Variants in RPS6KA6 observed in about 807,000 individuals in gnomAD.
RPS6KA6 encodes ribosomal protein S6 kinase A6.
In RPS6KA6, 27 loss-of-function variants were observed where a neutral mutation model predicts 65.4. That is an observed-to-expected ratio of 0.41 (90% CI 0.30 to 0.57). The LOEUF (loss-of-function observed/expected upper bound fraction) is 0.57. Among genes scored for constraint, RPS6KA6 ranks in the 20% least tolerant of loss-of-function variants. The probability of loss-of-function intolerance (pLI) is 0.24; values close to 1 mark genes in which losing one functional copy is unlikely to be tolerated. For synonymous variants in RPS6KA6, 190 were observed against 184.2 expected (o/e 1.03, Z -0.26); for missense variants, 486 against 555.6 (o/e 0.87, Z 1.26).
At chrX:84,129,435 G>C (rs2034855706) in intron 8 of RPS6KA6, among the ~76,000 whole-genome samples, 1 of 111,288 alleles carries the variant, frequency 9.0e-6, no homozygotes, top group Non-Finnish European at 1.9e-5. Context: ...GAACAGTTTG[G>C]AGGTTCCTCA....
In RPS6KA6 at chrX:84,156,172, T is replaced by A; in HGVS notation, c.161A>T (p.Glu54Val). ...CTTAACATGATGAGTAATAGGGATT[T>A]CTTTAACAACTCCTTCATCCTGTAA... Reference protein sequence around the residue: ...DSCHDEGVVKEIPITHHVKEG... With the variant: ...DSCHDEGVVKVIPITHHVKEG... Residue 54 changes from glutamate to valine, a missense_variant, in exon 3 of 22, where the codon GAA (glutamate) becomes GTA (valine). Transcript: ENST00000262752. 8.8e-7 allele frequency: 1 copy of A among 1,141,595 alleles called. No individual in the cohort carries two copies. Among genetic ancestry groups the A allele is most frequent in the Non-Finnish European group, 1.2e-6 (1 of 833,110 alleles). The allele number at this position is 1,141,595 out of a possible 1,213,427, so 94.1% of individuals were successfully genotyped here.
At chrX:84,115,091 A>G in intron 12 of RPS6KA6, among the ~76,000 whole-genome samples, 1 of 112,309 alleles carries the variant, frequency 8.9e-6, no homozygotes, top group Admixed American at 9.4e-5. Flanking sequence ...AATGCAACAA[A>G]AACAAAAGTA....
In RPS6KA6 at chrX:84,154,851, T is replaced by C. The variant is rs145669991; in HGVS notation, c.258+1224A>G. On this transcript the variant is annotated intron_variant, in intron 3 of 21. Transcript: ENST00000262752. ...TCTTTATATTTCACGTTATATTCTA[T>C]AATGCATAAATATCAGGTTACTTTA... Among the ~76,000 whole-genome samples, 180 of 112,054 alleles carry C rather than the reference T, an allele frequency of 1.6e-3. 2 individuals carry two copies. The highest frequency in any genetic ancestry group is 5.6e-3 in the African/African-American group (172 of 30,840).
At chrX:84,105,910 C>A in intron 15 of RPS6KA6, 34 bp from the exon 16 acceptor site, 1 of 802,921 alleles carries the variant, frequency 1.2e-6, no homozygotes, top group African/African-American at 2.0e-5. Context: ...ATATCTGAGG[C>A]AAACAAATTA....
intron 4 of RPS6KA6, 80 bp downstream of exon 4, chrX:84,147,962 C>T: frequency 3.6e-6 from 2 of 555,481 alleles, no homozygotes; most frequent in South Asian, 7.3e-5. Flanking sequence ...CATCTATTCA[C>T]CTTATGCAAG....
chrX:84,148,886 T>C (rs1177930314), intron 3 of RPS6KA6, among the ~76,000 whole-genome samples: 1 of 111,145 alleles, frequency 9.0e-6, no homozygotes, highest in Non-Finnish European at 1.9e-5. Flanking sequence ...ATGATGAAGT[T>C]TGTTGCACAG....
chrX:84,103,483 T>C (rs1397255986), intron 17 of RPS6KA6, among the ~76,000 whole-genome samples: 1 of 111,366 alleles, frequency 9.0e-6, no homozygotes. Context: ...TTTACTATGC[T>C]AAAGCTCTTT....
At chrX:84,093,538 C>T (rs2147394050) in intron 20 of RPS6KA6, among the ~76,000 whole-genome samples, 1 of 111,905 alleles carries the variant, frequency 8.9e-6, no homozygotes, top group South Asian at 3.7e-4. Context: ...ATATCTTATG[C>T]TATGAGAAGT....
At chrX:84,097,969 A>G in intron 18 of RPS6KA6, 121 bp from the exon 19 acceptor site, 1 of 498,749 alleles carries the variant, frequency 2.0e-6, no homozygotes, top group South Asian at 3.6e-5. Flanking sequence ...CAATCATTTT[A>G]TGCACTTGTA....
At chrX:84,100,010 T>C (rs1289340473) in intron 18 of RPS6KA6, among the ~76,000 whole-genome samples, 1 of 111,238 alleles carries the variant, frequency 9.0e-6, no homozygotes, top group Non-Finnish European at 1.9e-5. Flanking sequence ...TAAAAAAGAA[T>C]GCATTTTTAT....
At position 84,144,905 on chromosome X, in the gene RPS6KA6, C is replaced by T. The variant is rs73515451; in HGVS notation, c.501+573G>A. 4.2e-3 allele frequency among the ~76,000 whole-genome samples: 465 copies of T among 109,853 alleles called. 2 individuals are homozygous for T. The highest frequency in any genetic ancestry group is 0.014 in the African/African-American group (438 of 30,327). ...GAATCTCAAAGTACTTATGTTAAGC[C>T]AGACAAAAAAAATGAATATACTATA... On this transcript the variant is annotated intron_variant, in intron 6 of 21. Transcript: ENST00000262752.
intron 8 of RPS6KA6, among the ~76,000 whole-genome samples, chrX:84,131,513 T>C (rs755238815): frequency 8.8e-4 from 99 of 112,241 alleles, no homozygotes; most frequent in Non-Finnish European, 1.6e-3. Context: ...TTCAGCTGAA[T>C]ATAACACAGC....
At chrX:84,179,694 CAATA>C (rs1277535499) in intron 1 of RPS6KA6, among the ~76,000 whole-genome samples, 9 of 111,702 alleles carry the variant, frequency 8.1e-5, no homozygotes, top group African/African-American at 2.9e-4. Flanking sequence ...ATGATAAACA[CAATA>C]AATGTTTTAT....
intron 6 of RPS6KA6, among the ~76,000 whole-genome samples, chrX:84,135,751 T>A (rs147083175): frequency 0.021 from 2,304 of 111,586 alleles, 61 homozygotes; most frequent in African/African-American, 0.072. Context: ...AGTACCCTTA[T>A]CTTACACACA....
Position 84,059,342 on chromosome X carries a change from C to T in RPS6KA6, c.*4935G>A, listed in dbSNP as rs780099100. 8.2e-5 allele frequency: 9 copies of T among 109,644 alleles called. No homozygotes were observed. The highest frequency in any genetic ancestry group is 1.7e-4 in the Non-Finnish European group (9 of 52,707). The allele number at this position is 109,644 out of a possible 1,213,427, so 9.0% of individuals were successfully genotyped here. A position where few individuals can be genotyped will look rare whatever the true frequency, so the allele number is the denominator to read the frequency against. On this transcript the variant is annotated 3_prime_UTR_variant, in exon 22 of 22. Transcript: ENST00000262752. Reference sequence around the variant, plus strand: ...GACGGGTTTCTCCATGTTGGTCAGGCTGGTCTCGAATTCCTGACCTCAGGT... The same window carrying T: ...GACGGGTTTCTCCATGTTGGTCAGGTTGGTCTCGAATTCCTGACCTCAGGT...
chrX:84,156,033 T>C (rs1230044604), intron 3 of RPS6KA6, 42 bp downstream of exon 3: 2 of 768,202 alleles, frequency 2.6e-6, no homozygotes, highest in Non-Finnish European at 4.0e-6. Context: ...TTTTGCTAAA[T>C]GTTTAGAAGA....
intron 12 of RPS6KA6, among the ~76,000 whole-genome samples, chrX:84,115,369 A>C (rs1282583765): frequency 8.9e-6 from 1 of 112,101 alleles, no homozygotes; most frequent in Non-Finnish European, 1.9e-5. Context: ...AATATCACTA[A>C]TCATCAGAAA....
chrX:84,135,974 G>A (rs1265481200), intron 6 of RPS6KA6, among the ~76,000 whole-genome samples: 1 of 111,691 alleles, frequency 9.0e-6, no homozygotes, highest in African/African-American at 3.3e-5. Flanking sequence ...CTGTGAAACA[G>A]GACAATAATA....
chrX:84,157,275 C>T (rs997984808), intron 2 of RPS6KA6, among the ~76,000 whole-genome samples: 4 of 111,093 alleles, frequency 3.6e-5, no homozygotes, highest in African/African-American at 1.3e-4. Context: ...TTAGGAACTA[C>T]CAGCAAATCA....
Sources: gnomAD v4.1 joint callset for allele counts (sites outside exome capture counted in the v4.1 genomes callset) on GRCh38, gnomAD v4.1.1 for gene constraint, MANE v1.5 for transcripts, NCBI Gene and HGNC (gene_info 2026-07-23, HGNC 2026-07-21) for gene names.